Variants in GK observed in about 807,000 individuals in gnomAD.
GK encodes glycerol kinase.
A neutral mutation model predicts 56.4 loss-of-function variants in GK; 9 were observed. The ratio of observed to expected loss-of-function variants is 0.16; its 90% CI spans 0.10 to 0.28. The LOEUF is 0.28. Ranked by LOEUF, GK falls within the 10% of genes least tolerant of loss-of-function variation. GK has a pLI of 1.00. For missense variants in GK, 161 were observed against 431.4 expected, an observed-to-expected ratio of 0.37 and a Z score of 5.55; for synonymous variants, 104 against 144.1, an observed-to-expected ratio of 0.72 and a Z score of 1.99.
intron 13 of GK, among the ~76,000 whole-genome samples, chrX:30,713,286 T>A (rs1236597774): frequency 1.8e-5 from 2 of 111,753 alleles, no homozygotes; most frequent in Non-Finnish European, 3.8e-5. Flanking sequence ...CCACTCCTAC[T>A]CCCTGACACA....
chrX:30,694,568 A>T, intron 6 of GK, 31 bp downstream of exon 6: 1 of 1,151,665 alleles, frequency 8.7e-7, no homozygotes, highest in South Asian at 1.8e-5. Flanking sequence ...TATATGGAGA[A>T]TTTTTTCAGA....
chrX:30,721,038 C>T lies in GK; in HGVS notation c.1501+43C>T, dbSNP rs185250714. ...AATGTTCAGTGATATACTGTGAAAA[C>T]GACCTTAGTGCACGGGAGTTTTGTT... On this transcript the variant is annotated intron_variant, in intron 18 of 20. Transcript: ENST00000427190. 15 of 1,138,996 alleles carry T rather than the reference C, an allele frequency of 1.3e-5. No homozygotes were observed. The Admixed American group carries it at 1.5e-4, about 12-fold the overall frequency. 93.9% of individuals were successfully genotyped at this position (1,138,996 alleles called of 1,213,427 possible). A position where few individuals can be genotyped will look rare whatever the true frequency, so the allele number is the denominator to read the frequency against.
At chrX:30,681,538 C>T (rs760710445) in intron 4 of GK, among the ~76,000 whole-genome samples, 1 of 111,760 alleles carries the variant, frequency 8.9e-6, no homozygotes, top group Non-Finnish European at 1.9e-5. Context: ...AAAAACGAGG[C>T]AGAAATAACA....
chrX:30,714,575 G>A (rs1936514298), intron 13 of GK, among the ~76,000 whole-genome samples: 1 of 111,924 alleles, frequency 8.9e-6, no homozygotes, highest in South Asian at 3.7e-4. Flanking sequence ...AAGTCAGGAA[G>A]GGAGGGAATA....
intron 3 of GK, among the ~76,000 whole-genome samples, chrX:30,674,888 C>T (rs904129503): frequency 1.8e-4 from 20 of 111,738 alleles, no homozygotes; most frequent in African/African-American, 6.5e-4. Context: ...TGATGTTCCC[C>T]CTCAGCTCTG....
In GK at chrX:30,691,037, A is replaced by C. The variant is rs1934901169; in HGVS notation, c.338-86A>C. 11 of 533,716 alleles carry C rather than the reference A, an allele frequency of 2.1e-5. No homozygotes were observed. In the Admixed American group the frequency reaches 3.1e-4, roughly 15 times the overall value. The allele number at this position is 533,716 out of a possible 1,213,427, so 44.0% of individuals were successfully genotyped here. A position where few individuals can be genotyped will look rare whatever the true frequency, so the allele number is the denominator to read the frequency against. ...TTTTAATTCCTTATAGAAACTAATC[A>C]GTCTTTTATCCTTGATAGTGATTTC... On this transcript the variant is annotated intron_variant, in intron 4 of 20. Transcript: ENST00000427190.
intron 4 of GK, among the ~76,000 whole-genome samples, chrX:30,684,791 C>T (rs768289378): frequency 2.7e-5 from 3 of 110,813 alleles, no homozygotes; most frequent in Admixed American, 9.5e-5. Flanking sequence ...ATTTCGTTGT[C>T]CCTGAAACAT....
At chrX:30,719,711 C>T (rs1017710156) in intron 15 of GK, among the ~76,000 whole-genome samples, 196 bp downstream of exon 15, 8 of 112,114 alleles carry the variant, frequency 7.1e-5, no homozygotes, top group African/African-American at 1.6e-4. Context: ...CTGCCATATC[C>T]GTATTCATGT....
intron 10 of GK, 71 bp downstream of exon 10, chrX:30,700,520 A>G: frequency 1.2e-6 from 1 of 866,879 alleles, no homozygotes. Context: ...CTCTTAGTTC[A>G]TCAGTGTGCC....
At chrX:30,694,810 GATACCCTTTCCC>G (rs1935162435) in intron 6 of GK, among the ~76,000 whole-genome samples, 1 of 111,608 alleles carries the variant, frequency 9.0e-6, no homozygotes, top group Non-Finnish European at 1.9e-5. Flanking sequence ...GAGTAATTTA[GATACCCTTTCCC>G]TATTGTCTGT....
intron 18 of GK, 72 bp from the exon 19 acceptor site, chrX:30,724,029 C>T: frequency 1.6e-6 from 1 of 631,738 alleles, no homozygotes; most frequent in Non-Finnish European, 2.6e-6. Flanking sequence ...GTTGAGTGAT[C>T]ATAAGTATGG....
intron 4 of GK, among the ~76,000 whole-genome samples, chrX:30,690,563 C>T (rs1934879272): frequency 9.0e-6 from 1 of 110,823 alleles, no homozygotes. Flanking sequence ...TAAAAGGATT[C>T]TAATGATTCC....
chrX:30,702,961 G>A (rs139510863), intron 11 of GK, among the ~76,000 whole-genome samples: 1 of 112,071 alleles, frequency 8.9e-6, no homozygotes, highest in Non-Finnish European at 1.9e-5. Context: ...ATGACCAAGA[G>A]CATCTGAGTC....
At chrX:30,692,068 TTTTCTGTTTTTGTTTTTTGTGTTTTG>T (rs72390816) in intron 5 of GK, among the ~76,000 whole-genome samples, 30,395 of 110,333 alleles carry the variant, frequency 0.28, 3,512 homozygotes, top group Middle Eastern at 0.45. Context: ...GAAGTTCCCT[TTTTCTGTTTTTGTTTTTTGTGTTTTG>T]TTGTTGTTTA....
intron 4 of GK, among the ~76,000 whole-genome samples, chrX:30,683,216 A>G (rs921337794): frequency 4.5e-5 from 5 of 110,888 alleles, no homozygotes; most frequent in African/African-American, 1.6e-4. Flanking sequence ...ATACAGCTGT[A>G]TATAAATATA....
At chrX:30,689,832 A>G (rs1275533729) in intron 4 of GK, among the ~76,000 whole-genome samples, 1 of 112,119 alleles carries the variant, frequency 8.9e-6, no homozygotes, top group Non-Finnish European at 1.9e-5. Flanking sequence ...CAGGAGGAGT[A>G]GATACTGGGC....
At chrX:30,677,285 G>A in intron 3 of GK, 90 bp from the exon 4 acceptor site, 1 of 566,445 alleles carries the variant, frequency 1.8e-6, no homozygotes, top group Non-Finnish European at 3.2e-6. Context: ...ATGTTTAGTT[G>A]TGTCTCTAGT....
chrX:30,683,433 C>T (rs1168966742), intron 4 of GK, among the ~76,000 whole-genome samples: 1 of 110,909 alleles, frequency 9.0e-6, no homozygotes, highest in Non-Finnish European at 1.9e-5. Flanking sequence ...TCTATGTGGC[C>T]TCCTTTGTTT....
intron 3 of GK, 144 bp from the exon 4 acceptor site, chrX:30,677,231 A>C: frequency 2.0e-6 from 1 of 491,608 alleles, no homozygotes; most frequent in Non-Finnish European, 3.7e-6. Flanking sequence ...AAAGAAAATA[A>C]ACTAATATCA....
Sources: gnomAD v4.1 joint callset for allele counts (sites outside exome capture counted in the v4.1 genomes callset) on GRCh38, gnomAD v4.1.1 for gene constraint, MANE v1.5 for transcripts, NCBI Gene and HGNC (gene_info 2026-07-23, HGNC 2026-07-21) for gene names.